The following MATN2 variants were observed in gnomAD, a reference collection of about 807,000 sequenced individuals.
The protein encoded by MATN2 is matrilin-2.
A neutral mutation model predicts 103.2 loss-of-function variants in MATN2; 69 were observed. That is an observed-to-expected ratio of 0.67 (90% confidence interval 0.55 to 0.82). The LOEUF is 0.82. Ranked by LOEUF, MATN2 falls within the 40% of genes least tolerant of loss-of-function variation. The probability of loss-of-function intolerance (pLI) is 0.00; values close to 1 mark genes in which losing one functional copy is unlikely to be tolerated. For missense variants in MATN2, 1,023 were observed against 1,211.5 expected (o/e 0.84, Z 2.31); for synonymous variants, 429 against 450.2 (o/e 0.95, Z 0.60).
intron 6 of MATN2, among the ~76,000 whole-genome samples, chr8:97,990,763 GGGAGATAAAAAAA>G (rs1450232739): frequency 6.6e-6 from 1 of 152,044 alleles, no homozygotes; most frequent in Non-Finnish European, 1.5e-5. Context: ...AAGTTCCTTG[GGGAGATAAAAAAA>G]GAAGATAAAA....
At chr8:97,911,771 G>A (rs1337541521) in intron 2 of MATN2, among the ~76,000 whole-genome samples, 1 of 152,136 alleles carries the variant, frequency 6.6e-6, no homozygotes, top group African/African-American at 2.4e-5. Context: ...GCAGAGTGGG[G>A]ACTGGAACAC....
rs573646554 is a variant in MATN2, at chr8:97,957,327, A to G, written c.836-4081A>G. Among the ~76,000 whole-genome samples, 5 of 152,366 alleles carry G rather than the reference A, an allele frequency of 3.3e-5. No homozygotes were observed. The South Asian group carries it at 1.0e-3, about 32-fold the overall frequency. On this transcript the variant is annotated intron_variant, in intron 4 of 18. Coordinates refer to ENST00000254898, the MANE Select transcript of MATN2 (RefSeq NM_002380.5). ...AGGGCTGTTTTTCAAAAGCATAAGG[A>G]ATCATCCAAAAAACATCTGTATTTG...
At chr8:97,966,870 C>T (rs940346193) in intron 5 of MATN2, among the ~76,000 whole-genome samples, 4 of 152,134 alleles carry the variant, frequency 2.6e-5, no homozygotes, top group East Asian at 3.8e-4. Context: ...AGGCCATTTG[C>T]GTTGCTATAA....
Position 97,908,498 on chromosome 8 carries a change from A to T in MATN2, c.142+20256A>T, listed in dbSNP as rs1819256034. Among the ~76,000 whole-genome samples, 3 of 152,324 alleles carry T rather than the reference A, an allele frequency of 2.0e-5. No individual in the cohort carries two copies. The South Asian group carries it at 6.2e-4, about 32-fold the overall frequency. ...TCTCTGGGCCTAAAACATCTGGTGG[A>T]GTAGCTTCTCAGGAACTGTATACTG... On this transcript the variant is annotated intron_variant, in intron 2 of 18. Coordinates refer to ENST00000254898, the MANE Select transcript of MATN2 (RefSeq NM_002380.5).
chr8:97,936,495 C>T (rs1266726320), intron 3 of MATN2, among the ~76,000 whole-genome samples: 1 of 151,990 alleles, frequency 6.6e-6, no homozygotes, highest in East Asian at 1.9e-4. Context: ...ACTGACTTCA[C>T]AAACGTTGAG....
In MATN2 at chr8:98,033,092, T is replaced by A. The variant is rs746952043; in HGVS notation, c.2632T>A (p.Phe878Ile). ...NIQDLLSCSN[F>I]AVQHRYLFEE... ...CCAAGACCTACTTTCCTGTTCTAAT[T>A]TTGCAGTGCAACACAGATATCTGTT... The change falls in exon 17 of 19, where the codon TTT (phenylalanine) becomes ATT (isoleucine). Residue 878 changes from phenylalanine to isoleucine, a missense_variant. Phe to Ile is a conservative substitution (Grantham distance 21). Transcript: ENST00000254898. The A allele has an allele frequency of 1.9e-6, 3 of 1,612,132 alleles. No homozygotes were observed. The highest frequency in any genetic ancestry group is 2.5e-6 in the Non-Finnish European group (3 of 1,179,040).
intron 13 of MATN2, among the ~76,000 whole-genome samples, chr8:98,022,389 C>A (rs1813629776): frequency 6.6e-6 from 1 of 151,384 alleles, no homozygotes; most frequent in Admixed American, 6.6e-5. Flanking sequence ...ATACACACAC[C>A]CTTTTTCTAA....
At chr8:97,901,623 A>C (rs1268623486) in intron 2 of MATN2, among the ~76,000 whole-genome samples, 2 of 152,222 alleles carry the variant, frequency 1.3e-5, no homozygotes, top group African/African-American at 4.8e-5. Context: ...ATACGTATGA[A>C]GAAGCTACAG....
At chr8:97,930,907 C>A in intron 2 of MATN2, 46 bp from the exon 3 acceptor site, 1 of 1,403,810 alleles carries the variant, frequency 7.1e-7, no homozygotes, top group Admixed American at 1.9e-5. Flanking sequence ...TGAGCCACCA[C>A]ACCTGGCCTC....
chr8:97,909,041 T>TG lies in MATN2; in HGVS notation c.142+20800dup, dbSNP rs199862069. 4.7e-3 allele frequency among the ~76,000 whole-genome samples: 708 copies of TG among 152,248 alleles called. 5 individuals carry two copies. Among genetic ancestry groups the TG allele is most frequent in the Admixed American group, 0.033 (509 of 15,280 alleles). Reference sequence around the variant, plus strand: ...TCAGCCTCTGCCTCCCATGCTCAAGTGATCCTCCCATCTCAGCCTCCCAAG... The same window carrying TG: ...TCAGCCTCTGCCTCCCATGCTCAAGTGGATCCTCCCATCTCAGCCTCCCAAG... On this transcript the variant is annotated intron_variant, in intron 2 of 18. Coordinates refer to ENST00000254898, the MANE Select transcript of MATN2 (RefSeq NM_002380.5).
rs1814221880 is a variant in MATN2 at position 98,035,732 on chromosome 8, A to T, written c.*20A>T. ...AGATGAAGATTAGAAATCGCGACAC[A>T]TTTGTAGTCATTGTATCACGGATTA... On this transcript the variant is annotated 3_prime_UTR_variant, in exon 19 of 19. Transcript: ENST00000254898. The T allele has an allele frequency of 6.4e-7, 1 of 1,559,230 alleles. No individual in the cohort carries two copies. The highest frequency in any genetic ancestry group is 8.8e-7 in the Non-Finnish European group (1 of 1,137,974).
chr8:97,934,190 T>G (rs1810298946), intron 3 of MATN2, among the ~76,000 whole-genome samples: 1 of 152,258 alleles, frequency 6.6e-6, no homozygotes, highest in Non-Finnish European at 1.5e-5. Context: ...GGTGAAACTC[T>G]GAAGGCAGCC....
chr8:98,033,675 A>G lies in MATN2; in HGVS notation c.2815+16A>G. ...ACACAGCGCTATATCCTTTTCTTGC[A>G]TTATGCTTCTGTATGGAATGCAAAG... On this transcript the variant is annotated intron_variant, in intron 18 of 18. Coordinates refer to ENST00000254898, the MANE Select transcript of MATN2 (RefSeq NM_002380.5). 6.6e-7 allele frequency: 1 copy of G among 1,503,790 alleles called. No individual in the cohort carries two copies. The highest frequency in any genetic ancestry group is 9.2e-7 in the Non-Finnish European group (1 of 1,090,022). The allele number at this position is 1,503,790 out of a possible 1,614,324, so 93.2% of individuals were successfully genotyped here.
chr8:97,969,592 A>G (rs978005845), intron 5 of MATN2, among the ~76,000 whole-genome samples: 6 of 152,200 alleles, frequency 3.9e-5, no homozygotes, highest in Non-Finnish European at 5.9e-5. Flanking sequence ...AAAAATATTC[A>G]TGAAGAAGTA....
At chr8:97,943,523 T>A (rs1337714801) in intron 4 of MATN2, among the ~76,000 whole-genome samples, 3 of 152,048 alleles carry the variant, frequency 2.0e-5, no homozygotes, top group African/African-American at 7.2e-5. Flanking sequence ...GTCCAGGCTG[T>A]AGTGCAGTGG....
Position 98,032,306 on chromosome 8 carries a change from A to G in MATN2, c.2570A>G (p.Gln857Arg). ...GCAGGGGAACTGCCAAAAACGGTCC[A>G]ACAGCCAACAGGTACAGTTTTTAAG... ...SPAGELPKTVQQPTESEPVTI... is the reference protein window; with the variant it reads ...SPAGELPKTVRQPTESEPVTI... The change falls in exon 16 of 19, where the codon CAA (glutamine) becomes CGA (arginine). Residue 857 changes from glutamine (Q) to arginine (R), a missense_variant. Transcript: ENST00000254898. 1 of 1,610,422 alleles carries G rather than the reference A, an allele frequency of 6.2e-7. No individual in the cohort carries two copies. The highest frequency in any genetic ancestry group is 1.1e-5 in the South Asian group (1 of 90,288).
At chr8:97,899,526 C>T (rs1818917489) in intron 2 of MATN2, among the ~76,000 whole-genome samples, 1 of 152,168 alleles carries the variant, frequency 6.6e-6, no homozygotes, top group Non-Finnish European at 1.5e-5. Context: ...AGCCCTCTCT[C>T]CTTGGCTCAT....
intron 5 of MATN2, among the ~76,000 whole-genome samples, chr8:97,969,310 A>C (rs1811583131): frequency 6.6e-6 from 1 of 152,210 alleles, no homozygotes; most frequent in Non-Finnish European, 1.5e-5. Context: ...AAACATCCAG[A>C]CCGTATCACT....
Position 97,892,447 on chromosome 8 carries a change from G to A in MATN2, c.142+4205G>A, listed in dbSNP as rs1317059701. Among the ~76,000 whole-genome samples, 11 of 146,336 alleles carry A rather than the reference G, an allele frequency of 7.5e-5. 1 individual carries two copies. The East Asian group carries it at 2.2e-3, about 29-fold the overall frequency. On this transcript the variant is annotated intron_variant, in intron 2 of 18. Coordinates refer to ENST00000254898, the MANE Select transcript of MATN2 (RefSeq NM_002380.5). ...AAAAAAAAAAAAAAAAAGAAGAGTAGCACCGTTTTACAGTTTTGCAAATCT... is the reference window on the plus strand; with the variant it reads ...AAAAAAAAAAAAAAAAAGAAGAGTAACACCGTTTTACAGTTTTGCAAATCT...
Sources: gnomAD v4.1 joint callset for allele counts (sites outside exome capture counted in the v4.1 genomes callset) on GRCh38, gnomAD v4.1.1 for gene constraint, MANE v1.5 for transcripts, NCBI Gene and HGNC (gene_info 2026-07-23, HGNC 2026-07-21) for gene names.